Variants in GFRA1 observed in about 807,000 individuals in gnomAD.
GFRA1 encodes the protein GDNF family receptor alpha 1, also known as GDNF family receptor alpha-1.
A neutral mutation model predicts 51.6 loss-of-function variants in GFRA1; 16 were observed. The observed-to-expected ratio is 0.31, with a 90% CI of 0.21 to 0.47. The LOEUF (loss-of-function observed/expected upper bound fraction) is 0.47. GFRA1 is among the 20% of genes least tolerant of loss of function. GFRA1 has a pLI of 1.00. For synonymous variants in GFRA1, 270 were observed against 241.3 expected (o/e 1.12, Z -1.10); for missense variants, 530 against 594.3 (o/e 0.89, Z 1.13).
intron 5 of GFRA1, among the ~76,000 whole-genome samples, chr10:116,152,807 T>A (rs1038433235): frequency 1.3e-5 from 2 of 152,256 alleles, no homozygotes; most frequent in Admixed American, 1.3e-4. Context: ...AAAGATGTGC[T>A]GTGAACTTCT....
intron 5 of GFRA1, among the ~76,000 whole-genome samples, chr10:116,133,026 C>T (rs1346547076): frequency 2.6e-5 from 4 of 151,906 alleles, no homozygotes; most frequent in Admixed American, 1.3e-4. Context: ...TTTCCCCCCT[C>T]CCCTCCCCCT....
chr10:116,157,152 A>G (rs1027813165), intron 5 of GFRA1, among the ~76,000 whole-genome samples: 2 of 152,204 alleles, frequency 1.3e-5, no homozygotes, highest in African/African-American at 4.8e-5. Context: ...TTCCTCTGGC[A>G]TTAGCTCTCT....
intron 4 of GFRA1, among the ~76,000 whole-genome samples, chr10:116,243,707 C>T (rs1311741528): frequency 1.3e-5 from 2 of 152,046 alleles, no homozygotes; most frequent in East Asian, 3.9e-4. Flanking sequence ...GGCACTGGAG[C>T]TTCCATTTGA....
At chr10:116,115,993 A>AC (rs1957396631) in intron 6 of GFRA1, among the ~76,000 whole-genome samples, 1 of 151,398 alleles carries the variant, frequency 6.6e-6, no homozygotes, top group Non-Finnish European at 1.5e-5. Flanking sequence ...GGACCCATAG[A>AC]CCCCCTTTGA....
chr10:116,254,207 A>C (rs1429692586), intron 4 of GFRA1, among the ~76,000 whole-genome samples: 2 of 151,708 alleles, frequency 1.3e-5, no homozygotes, highest in Non-Finnish European at 1.5e-5. Context: ...CTGTAATCCC[A>C]GCTACTCAGG....
intron 5 of GFRA1, among the ~76,000 whole-genome samples, chr10:116,146,761 T>A (rs1214519346): frequency 6.6e-6 from 1 of 152,190 alleles, no homozygotes; most frequent in African/African-American, 2.4e-5. Flanking sequence ...TGTCCAATCC[T>A]GCTGGACAGA....
intron 4 of GFRA1, among the ~76,000 whole-genome samples, chr10:116,231,762 T>C (rs765710760): frequency 6.6e-6 from 1 of 152,188 alleles, no homozygotes; most frequent in Non-Finnish European, 1.5e-5. Context: ...AAATTTAAAT[T>C]CTAACTACAA....
At chr10:116,194,334 T>G (rs1182763159) in intron 5 of GFRA1, among the ~76,000 whole-genome samples, 1 of 152,168 alleles carries the variant, frequency 6.6e-6, no homozygotes. Context: ...CAAAGCCATT[T>G]CCAGTGAATC....
At chr10:116,178,298 C>CTGGGG (rs1491125429) in intron 5 of GFRA1, among the ~76,000 whole-genome samples, 9 of 34,774 alleles carry the variant, frequency 2.6e-4, no homozygotes, top group African/African-American at 6.6e-4. Context: ...CCACAAGGGG[C>CTGGGG]CGGGGGGGCG....
chr10:116,225,985 T>C (rs1966268069), intron 4 of GFRA1, among the ~76,000 whole-genome samples: 2 of 152,224 alleles, frequency 1.3e-5, no homozygotes, highest in Admixed American at 1.3e-4. Context: ...GTGGCTCATA[T>C]TATGTTTCTA....
At chr10:116,104,031 G>A (rs73367243) in intron 6 of GFRA1, among the ~76,000 whole-genome samples, 3,120 of 152,276 alleles carry the variant, frequency 0.02, 108 homozygotes, top group African/African-American at 0.071. Context: ...AGGACTGAGT[G>A]TGGAGACGCA....
intron 5 of GFRA1, among the ~76,000 whole-genome samples, chr10:116,153,900 AAG>A (rs1959151259): frequency 6.6e-6 from 1 of 152,216 alleles, no homozygotes; most frequent in South Asian, 2.1e-4. Context: ...AGAAAAAGAC[AAG>A]CAACCCAATA....
intron 9 of GFRA1, among the ~76,000 whole-genome samples, chr10:116,070,678 T>A (rs566493123): frequency 6.6e-6 from 1 of 151,254 alleles, no homozygotes; most frequent in South Asian, 2.1e-4. Flanking sequence ...AATTTCTGTA[T>A]ATAAAAAGAA....
At chr10:116,122,811 C>T (rs1222794433) in intron 6 of GFRA1, among the ~76,000 whole-genome samples, 1 of 152,154 alleles carries the variant, frequency 6.6e-6, no homozygotes, top group East Asian at 1.9e-4. Context: ...AAGACTCATC[C>T]ACAGCTCCAT....
chr10:116,257,005 G>C (rs1968917469), intron 4 of GFRA1, among the ~76,000 whole-genome samples: 1 of 142,922 alleles, frequency 7.0e-6, no homozygotes, highest in African/African-American at 2.6e-5. Flanking sequence ...ACAAAAGGCA[G>C]TGCTGGGGTT....
Position 116,064,119 on chromosome 10 carries a change from C to A in GFRA1, c.*279G>T. ...CATCATCATCATCGAAAACACAGCC[C>A]CAGTTTGCTTTACAGCCCAAGTTAC... On this transcript the variant is annotated 3_prime_UTR_variant, in exon 11 of 11. Transcript: ENST00000355422. 1 of 340,388 alleles carries A rather than the reference C, an allele frequency of 2.9e-6. No homozygotes were observed. Among genetic ancestry groups the A allele is most frequent in the Non-Finnish European group, 5.5e-6 (1 of 181,924 alleles). The allele number at this position is 340,388 out of a possible 1,614,324, so 21.1% of individuals were successfully genotyped here. A position where few individuals can be genotyped will look rare whatever the true frequency, so the allele number is the denominator to read the frequency against.
In GFRA1 at chr10:116,075,786, C is replaced by T. The variant is rs1039193415; in HGVS notation, c.1198-10160G>A. Among the ~76,000 whole-genome samples the T allele has an allele frequency of 2.6e-5, 4 of 152,166 alleles. No homozygotes were observed. In the East Asian group the frequency reaches 7.8e-4, roughly 30 times the overall value. Reference sequence around the variant, plus strand: ...TTGAGACGGAGTCTTGCTCTTTCACCCAGGCTGGACTGCAGTGGTGCTATC... The same window carrying T: ...TTGAGACGGAGTCTTGCTCTTTCACTCAGGCTGGACTGCAGTGGTGCTATC... On this transcript the variant is annotated intron_variant, in intron 9 of 10. Coordinates refer to ENST00000355422, the MANE Select transcript of GFRA1 (RefSeq NM_005264.8).
intron 5 of GFRA1, among the ~76,000 whole-genome samples, chr10:116,172,479 G>A (rs1302580067): frequency 6.6e-6 from 1 of 152,196 alleles, no homozygotes; most frequent in African/African-American, 2.4e-5. Context: ...AATGAGAGAT[G>A]AGGAGGAACT....
At chr10:116,129,002 G>A (rs898370035) in intron 5 of GFRA1, among the ~76,000 whole-genome samples, 3 of 151,962 alleles carry the variant, frequency 2.0e-5, no homozygotes, top group Non-Finnish European at 2.9e-5. Context: ...TATAACTCTT[G>A]CCAGAGCACC....
Sources: gnomAD v4.1 joint callset for allele counts (sites outside exome capture counted in the v4.1 genomes callset) on GRCh38, gnomAD v4.1.1 for gene constraint, MANE v1.5 for transcripts, NCBI Gene and HGNC (gene_info 2026-07-23, HGNC 2026-07-21) for gene names.